Variants in GRIN2A observed in about 807,000 individuals in gnomAD.
GRIN2A encodes glutamate receptor ionotropic, NMDA 2A.
In GRIN2A, 22 loss-of-function variants were observed where a neutral mutation model predicts 113.4. That is an observed-to-expected ratio of 0.19 (90% CI 0.14 to 0.28). The LOEUF is 0.28. Among genes scored for constraint, GRIN2A ranks in the 10% least tolerant of loss-of-function variants. GRIN2A has a pLI of 1.00. For synonymous variants in GRIN2A, 827 were observed against 738.4 expected (o/e 1.12, Z -1.94); for missense variants, 1,502 against 1,887.0 (o/e 0.80, Z 3.78).
chr16:9,952,014 G>C (rs1019014520), intron 2 of GRIN2A, among the ~76,000 whole-genome samples: 1 of 152,118 alleles, frequency 6.6e-6, no homozygotes. Context: ...GCTCACCCTT[G>C]GGTATTTCAT....
chr16:9,961,262 T>C (rs1406678776), intron 2 of GRIN2A, among the ~76,000 whole-genome samples: 1 of 151,972 alleles, frequency 6.6e-6, no homozygotes, highest in Non-Finnish European at 1.5e-5. Context: ...CTGATGGAAA[T>C]ACGCAGCTAC....
In GRIN2A at chr16:10,180,539, G is replaced by A. The variant is rs1164619595; in HGVS notation, c.-18-110C>T. ...GAGCCAGGCATGGAACTCAGCAGCA[G>A]GATAGGCTGCTGGGATCACGGACTC... On this transcript the variant is annotated intron_variant, in intron 1 of 12. Coordinates refer to ENST00000330684, the MANE Select transcript of GRIN2A (RefSeq NM_001134407.3). This position sits in a 1 kb window ranked among gnomAD's most constrained non-coding sequence, Gnocchi z 7.0. 10 of 1,511,340 alleles carry A rather than the reference G, an allele frequency of 6.6e-6. No individual in the cohort carries two copies. Among genetic ancestry groups the A allele is most frequent in the African/African-American group, 1.4e-5 (1 of 72,482 alleles). The allele number at this position is 1,511,340 out of a possible 1,614,324, so 93.6% of individuals were successfully genotyped here.
chr16:9,932,209 C>T (rs867330864), intron 3 of GRIN2A, among the ~76,000 whole-genome samples: 3 of 152,178 alleles, frequency 2.0e-5, no homozygotes, highest in South Asian at 2.1e-4. Flanking sequence ...AGCCCTGCCC[C>T]GCCTGATAAT....
At chr16:10,172,643 C>T (rs1004534076) in intron 2 of GRIN2A, among the ~76,000 whole-genome samples, 1 of 152,216 alleles carries the variant, frequency 6.6e-6, no homozygotes, top group Non-Finnish European at 1.5e-5. Flanking sequence ...TGAGATTCAT[C>T]TCCAGCCAAC....
chr16:9,833,762 C>G (rs2042539009), intron 8 of GRIN2A, among the ~76,000 whole-genome samples: 1 of 152,214 alleles, frequency 6.6e-6, no homozygotes, highest in African/African-American at 2.4e-5. Flanking sequence ...CTCTGTCCCT[C>G]AGGCTGGAGT....
intron 3 of GRIN2A, among the ~76,000 whole-genome samples, chr16:9,901,879 C>T (rs2043933763): frequency 6.6e-6 from 1 of 152,202 alleles, no homozygotes; most frequent in African/African-American, 2.4e-5. Context: ...AGAATCTTGT[C>T]CTGTCTCCCT....
At chr16:10,094,205 A>T (rs943372600) in intron 2 of GRIN2A, among the ~76,000 whole-genome samples, 3 of 152,296 alleles carry the variant, frequency 2.0e-5, no homozygotes, top group Non-Finnish European at 2.9e-5. Flanking sequence ...AATGGAGTGA[A>T]TCAACAAGAC....
intron 3 of GRIN2A, among the ~76,000 whole-genome samples, chr16:9,917,552 C>T (rs1407807609): frequency 2.6e-5 from 4 of 152,236 alleles, no homozygotes; most frequent in South Asian, 4.1e-4. Context: ...GAATGCACCA[C>T]TGTTCTACTG....
chr16:10,025,047 G>T (rs11863580), intron 2 of GRIN2A, among the ~76,000 whole-genome samples: 45,648 of 151,596 alleles, frequency 0.3, 7,901 homozygotes, highest in Non-Finnish European at 0.39. Flanking sequence ...GGGAAGAGAG[G>T]ATGATGGAGA....
chr16:9,984,045 T>C (rs2045938578), intron 2 of GRIN2A, among the ~76,000 whole-genome samples: 1 of 152,238 alleles, frequency 6.6e-6, no homozygotes, highest in Non-Finnish European at 1.5e-5. Context: ...TTTCTCCACA[T>C]CCTTGCCAGT....
At chr16:10,004,797 T>A (rs532000374) in intron 2 of GRIN2A, among the ~76,000 whole-genome samples, 1 of 152,282 alleles carries the variant, frequency 6.6e-6, no homozygotes, top group African/African-American at 2.4e-5. Flanking sequence ...TCTCCCCATA[T>A]CAAGATGCTT....
intron 2 of GRIN2A, among the ~76,000 whole-genome samples, chr16:10,144,939 A>C (rs1348050178): frequency 6.7e-6 from 1 of 150,030 alleles, no homozygotes; most frequent in African/African-American, 2.4e-5. Flanking sequence ...AAAAAAAAAA[A>C]AGAGAGATGA....
At chr16:10,077,341 A>G (rs1468399300) in intron 2 of GRIN2A, among the ~76,000 whole-genome samples, 2 of 152,242 alleles carry the variant, frequency 1.3e-5, no homozygotes, top group African/African-American at 4.8e-5. Flanking sequence ...TCTATCATCC[A>G]TCTCAGCCAC....
At chr16:10,172,560 G>C (rs536879742) in intron 2 of GRIN2A, among the ~76,000 whole-genome samples, 1 of 152,216 alleles carries the variant, frequency 6.6e-6, no homozygotes, top group Non-Finnish European at 1.5e-5. Flanking sequence ...GGGAATTTAA[G>C]AAAGGAGGGG....
chr16:9,909,561 G>A (rs2044093875), intron 3 of GRIN2A, among the ~76,000 whole-genome samples: 1 of 152,078 alleles, frequency 6.6e-6, no homozygotes. Flanking sequence ...GCCACATATG[G>A]CTAGTGGCTG....
At chr16:9,970,229 C>G (rs1428745491) in intron 2 of GRIN2A, among the ~76,000 whole-genome samples, 1 of 152,138 alleles carries the variant, frequency 6.6e-6, no homozygotes, top group Non-Finnish European at 1.5e-5. Context: ...TTTATTAGCA[C>G]TATTCCAGAA....
chr16:9,982,155 T>C (rs1178356113), intron 2 of GRIN2A, among the ~76,000 whole-genome samples: 1 of 152,212 alleles, frequency 6.6e-6, no homozygotes, highest in Non-Finnish European at 1.5e-5. Flanking sequence ...GGGTCTTTTG[T>C]TGCAGTTTCC....
intron 2 of GRIN2A, among the ~76,000 whole-genome samples, chr16:10,028,649 C>T (rs553098689): frequency 2.0e-4 from 31 of 152,296 alleles, no homozygotes; most frequent in Non-Finnish European, 4.0e-4. Flanking sequence ...CCCAGGAATA[C>T]CCACCATTGG....
At chr16:10,112,395 G>T (rs1030219111) in intron 2 of GRIN2A, 1 of 694,684 alleles carries the variant, frequency 1.4e-6, no homozygotes, top group East Asian at 2.5e-5. Flanking sequence ...GATGGCCTGC[G>T]GTCAGCCCCA....
Sources: allele counts gnomAD v4.1 joint callset (sites outside exome capture counted in the v4.1 genomes callset), GRCh38; gene constraint gnomAD v4.1.1; non-coding constraint Gnocchi (gnomAD v3.1); transcripts MANE v1.5; gene names NCBI Gene and HGNC (gene_info 2026-07-23, HGNC 2026-07-21).